Variants in TMEM200A observed in about 807,000 individuals in gnomAD.
TMEM200A encodes the protein two transmembrane C.
A neutral mutation model predicts 24.3 loss-of-function variants in TMEM200A; 12 were observed. The ratio of observed to expected loss-of-function variants is 0.49; its 90% confidence interval spans 0.32 to 0.80. TMEM200A has a LOEUF of 0.80. Ranked by LOEUF, TMEM200A falls within the 30% of genes least tolerant of loss-of-function variation. TMEM200A has a pLI of 0.04. For synonymous variants in TMEM200A, 224 were observed against 224.4 expected (o/e 1.00, Z 0.02); for missense variants, 545 against 614.4 (o/e 0.89, Z 1.19).
At chr6:130,409,790 A>G (rs901435998) in intron 2 of TMEM200A, among the ~76,000 whole-genome samples, 1 of 151,884 alleles carries the variant, frequency 6.6e-6, no homozygotes, top group African/African-American at 2.4e-5. Context: ...GTTATTCTCT[A>G]TGGAATAATA....
intron 2 of TMEM200A, among the ~76,000 whole-genome samples, chr6:130,388,355 C>G (rs1297085305): frequency 1.3e-5 from 2 of 152,188 alleles, no homozygotes; most frequent in Non-Finnish European, 2.9e-5. Context: ...AGGATATTAG[C>G]TGTGTAGATG....
At chr6:130,375,820 A>G (rs551618490) in intron 1 of TMEM200A, among the ~76,000 whole-genome samples, 6 of 152,278 alleles carry the variant, frequency 3.9e-5, no homozygotes, top group South Asian at 4.1e-4. Context: ...TGAAGAGTGC[A>G]AAGTATTACC....
chr6:130,417,949 T>C (rs577258525), intron 2 of TMEM200A, among the ~76,000 whole-genome samples: 14 of 152,310 alleles, frequency 9.2e-5, no homozygotes, highest in African/African-American at 3.4e-4. Flanking sequence ...GTTTACTTTG[T>C]TATCTCATTT....
intron 1 of TMEM200A, among the ~76,000 whole-genome samples, chr6:130,367,741 A>T (rs561454786): frequency 9.2e-5 from 14 of 152,370 alleles, no homozygotes; most frequent in African/African-American, 3.4e-4. Flanking sequence ...GCTTCCATTA[A>T]GTGGAAACTA....
At chr6:130,412,070 C>G (rs1264526219) in intron 2 of TMEM200A, among the ~76,000 whole-genome samples, 3 of 150,194 alleles carry the variant, frequency 2.0e-5, no homozygotes, top group Non-Finnish European at 4.4e-5. Context: ...TTTTGACATA[C>G]CCCATCATTT....
intron 2 of TMEM200A, among the ~76,000 whole-genome samples, chr6:130,423,481 T>TA (rs1353958411): frequency 1.3e-5 from 2 of 152,130 alleles, no homozygotes; most frequent in African/African-American, 4.8e-5. Context: ...ATCGTTGCTT[T>TA]AAAATAATTG....
At chr6:130,410,492 T>G (rs1055674219) in intron 2 of TMEM200A, among the ~76,000 whole-genome samples, 1 of 152,204 alleles carries the variant, frequency 6.6e-6, no homozygotes, top group South Asian at 2.1e-4. Flanking sequence ...AAAAGAACCA[T>G]GTAAAGAAAA....
chr6:130,402,591 T>A (rs1779114859), intron 2 of TMEM200A, among the ~76,000 whole-genome samples: 1 of 152,064 alleles, frequency 6.6e-6, no homozygotes, highest in African/African-American at 2.4e-5. Flanking sequence ...TTTCCATTCT[T>A]CAGCATATAT....
intron 1 of TMEM200A, among the ~76,000 whole-genome samples, chr6:130,379,510 G>A (rs1187970442): frequency 6.6e-6 from 1 of 151,966 alleles, no homozygotes; most frequent in African/African-American, 2.4e-5. Context: ...ATGCGTGATT[G>A]AGCTTCATGC....
chr6:130,390,878 C>T (rs941599520), intron 2 of TMEM200A, among the ~76,000 whole-genome samples: 3 of 152,176 alleles, frequency 2.0e-5, no homozygotes, highest in African/African-American at 7.2e-5. Context: ...GGTTTCTCAA[C>T]CTCTACACTA....
chr6:130,438,262 C>A (rs959998504), intron 2 of TMEM200A: 2 of 152,172 alleles, frequency 1.3e-5, no homozygotes, highest in Admixed American at 1.3e-4. Flanking sequence ...CTATTTTAAT[C>A]CTAGTTATAA....
rs1284390850 is a variant in TMEM200A, at chr6:130,436,630, CCTT to C, written c.-16-3776_-16-3774del. On this transcript the variant is annotated intron_variant, in intron 2 of 2. Transcript: ENST00000296978. ...TTCACTAGGCTTCGTTTTTCTTTAT[CCTT>C]TTTTTTTTTTTTTTTTTTTTTTTTT... Among the ~76,000 whole-genome samples the C allele has an allele frequency of 2.3e-3, 152 of 66,774 alleles. 39 individuals carry two copies. Among genetic ancestry groups the C allele is most frequent in the African/African-American group, 3.7e-3 (98 of 26,350 alleles). The allele number at this position is 66,774 out of a possible 152,430, so 43.8% of individuals were successfully genotyped here.
At chr6:130,376,917 A>C (rs188314663) in intron 1 of TMEM200A, among the ~76,000 whole-genome samples, 1 of 152,312 alleles carries the variant, frequency 6.6e-6, no homozygotes, top group African/African-American at 2.4e-5. Context: ...ACTAACCTCT[A>C]TTCAGAACTT....
At chr6:130,409,613 A>AT (rs1165262929) in intron 2 of TMEM200A, among the ~76,000 whole-genome samples, 5 of 152,020 alleles carry the variant, frequency 3.3e-5, no homozygotes, top group East Asian at 1.9e-4. Flanking sequence ...GATAGATAGG[A>AT]TTTTTTTTCC....
chr6:130,377,885 T>C (rs761474075), intron 1 of TMEM200A, among the ~76,000 whole-genome samples: 1 of 152,038 alleles, frequency 6.6e-6, no homozygotes, highest in Non-Finnish European at 1.5e-5. Context: ...GCAGTTAGGA[T>C]GGATGTAGAG....
chr6:130,397,621 G>T lies in TMEM200A; in HGVS notation c.-17+12385G>T, dbSNP rs542698063. On this transcript the variant is annotated intron_variant, in intron 2 of 2. Coordinates refer to ENST00000296978, the MANE Select transcript of TMEM200A (RefSeq NM_001258277.2). ...GTGTCATTTATGTTTTAAATTTGTG[G>T]TTTTTTTTGAAATCCAATCTGAAAA... is the stretch of plus-strand genomic sequence containing the variant. 1.1e-4 allele frequency among the ~76,000 whole-genome samples: 16 copies of T among 150,706 alleles called. No homozygotes were observed. The South Asian group carries it at 3.4e-3, about 32-fold the overall frequency.
In TMEM200A at chr6:130,441,237, C is replaced by G. The variant is rs145501596; in HGVS notation, c.815C>G (p.Ser272Cys). The stretch of plus-strand genomic sequence containing the variant: ...ACAACTGATGATAAGACCAGCGGCT[C>G]TAAGAAATGTGAAACCAAGTCAATT... ...SKTTDDKTSG[S>C]KKCETKSIVS... The change falls in exon 3 of 3, where the codon TCT becomes TGT. Residue 272 changes from serine to cysteine, a missense_variant. Coordinates refer to ENST00000296978, the MANE Select transcript of TMEM200A (RefSeq NM_001258277.2). 21 of 1,614,108 alleles carry G rather than the reference C, an allele frequency of 1.3e-5. 1 individual carries two copies. In the East Asian group the frequency reaches 2.2e-4, roughly 17 times the overall value.
At chr6:130,430,231 A>G (rs1451520953) in intron 2 of TMEM200A, among the ~76,000 whole-genome samples, 1 of 152,056 alleles carries the variant, frequency 6.6e-6, no homozygotes, top group Non-Finnish European at 1.5e-5. Flanking sequence ...CACATGGTAG[A>G]AGGGGGAAGG....
intron 2 of TMEM200A, among the ~76,000 whole-genome samples, chr6:130,417,191 G>C (rs1398228517): frequency 1.3e-5 from 2 of 152,166 alleles, no homozygotes; most frequent in African/African-American, 4.8e-5. Context: ...CCCTGGCAGA[G>C]TGATTGACAC....
Sources: gnomAD v4.1 joint callset for allele counts (sites outside exome capture counted in the v4.1 genomes callset) on GRCh38, gnomAD v4.1.1 for gene constraint, MANE v1.5 for transcripts, NCBI Gene and HGNC (gene_info 2026-07-23, HGNC 2026-07-21) for gene names.